ITFG1: variants seen among roughly 807,000 people sequenced by gnomAD.
The protein encoded by ITFG1 is T-cell immunomodulatory protein.
Under a neutral mutation model 81.8 loss-of-function variants are expected in ITFG1, and 34 were observed. The observed-to-expected ratio is 0.42, with a 90% CI of 0.32 to 0.55. ITFG1 has a LOEUF of 0.55. Among genes scored for constraint, ITFG1 ranks in the 20% least tolerant of loss-of-function variants. ITFG1 has a pLI of 0.17. For missense variants in ITFG1, 672 were observed against 755.4 expected (o/e 0.89, Z 1.29); for synonymous variants, 285 against 270.6 (o/e 1.05, Z -0.52).
chr16:47,184,303 A>T (rs771318571), intron 14 of ITFG1, among the ~76,000 whole-genome samples: 1 of 152,216 alleles, frequency 6.6e-6, no homozygotes, highest in Admixed American at 6.5e-5. Context: ...CCTCGAGAAG[A>T]GCAACTCCAG....
intron 8 of ITFG1, among the ~76,000 whole-genome samples, chr16:47,321,191 G>A (rs916432080): frequency 1.3e-5 from 2 of 152,168 alleles, no homozygotes; most frequent in Admixed American, 6.5e-5. Context: ...CTAATTAATG[G>A]TAGAAGGTTT....
intron 14 of ITFG1, among the ~76,000 whole-genome samples, chr16:47,214,609 TAATA>T (rs977503027): frequency 1.3e-5 from 2 of 152,200 alleles, no homozygotes; most frequent in African/African-American, 2.4e-5. Flanking sequence ...AAAAAGTTCA[TAATA>T]AATGTACTTT....
At chr16:47,162,443 ATTCAAATTCAATTAGG>A in intron 15 of ITFG1, 81 bp downstream of exon 15, 2 of 1,085,426 alleles carry the variant, frequency 1.8e-6, no homozygotes, top group South Asian at 3.9e-5. Context: ...GTTTATTTGA[ATTCAAATTCAATTAGG>A]TTCAAATTAT....
At position 47,155,590 on chromosome 16, in the gene ITFG1, C is replaced by T; in HGVS notation, c.*129G>A. The T allele has an allele frequency of 3.1e-6, 2 of 652,830 alleles. No individual in the cohort carries two copies. Among genetic ancestry groups the T allele is most frequent in the East Asian group, 2.8e-5 (1 of 36,140 alleles). 40.4% of individuals were successfully genotyped at this position (652,830 alleles called of 1,614,324 possible). ...TATTCAAACCATATTTATTTGAATA[C>T]TTTCCAATAATTACCATGGGATACA... On this transcript the variant is annotated 3_prime_UTR_variant, in exon 18 of 18. Coordinates refer to ENST00000320640, the MANE Select transcript of ITFG1 (RefSeq NM_030790.5).
At chr16:47,441,469 A>G (rs1209341354) in intron 5 of ITFG1, among the ~76,000 whole-genome samples, 1 of 152,186 alleles carries the variant, frequency 6.6e-6, no homozygotes, top group Non-Finnish European at 1.5e-5. Flanking sequence ...CACATCAAAA[A>G]GCTTATCCAC....
At chr16:47,432,763 A>G (rs1969110674) in intron 5 of ITFG1, among the ~76,000 whole-genome samples, 1 of 152,224 alleles carries the variant, frequency 6.6e-6, no homozygotes, top group Admixed American at 6.5e-5. Flanking sequence ...TCTTTAAAAT[A>G]GTTTCACTTA....
At chr16:47,320,402 C>G (rs1967430821) in intron 8 of ITFG1, among the ~76,000 whole-genome samples, 1 of 152,158 alleles carries the variant, frequency 6.6e-6, no homozygotes, top group Admixed American at 6.6e-5. Flanking sequence ...CCCACCCACA[C>G]CCTGTTTTGT....
chr16:47,443,066 C>A (rs1228972721), intron 5 of ITFG1, among the ~76,000 whole-genome samples: 2 of 151,822 alleles, frequency 1.3e-5, no homozygotes, highest in South Asian at 4.2e-4. Context: ...AAAAAAACAA[C>A]CCCATCAAAA....
chr16:47,211,676 G>A (rs1470625973), intron 14 of ITFG1, among the ~76,000 whole-genome samples: 2 of 152,106 alleles, frequency 1.3e-5, no homozygotes, highest in Non-Finnish European at 2.9e-5. Context: ...TCAAATTCAG[G>A]AAGTTATTCT....
chr16:47,400,723 G>T (rs920682663), intron 6 of ITFG1, among the ~76,000 whole-genome samples: 1 of 151,998 alleles, frequency 6.6e-6, no homozygotes, highest in Non-Finnish European at 1.5e-5. Context: ...AAGCAAAGAG[G>T]TAGGGGAAGC....
intron 8 of ITFG1, among the ~76,000 whole-genome samples, chr16:47,344,802 G>T (rs889708192): frequency 6.6e-6 from 1 of 152,176 alleles, no homozygotes; most frequent in East Asian, 1.9e-4. Flanking sequence ...GATCCCACAT[G>T]TAAGTGAGAA....
intron 10 of ITFG1, among the ~76,000 whole-genome samples, chr16:47,297,376 C>T (rs1966998984): frequency 6.6e-6 from 1 of 152,050 alleles, no homozygotes. Flanking sequence ...AAACCCATTC[C>T]ATCAATTTAT....
intron 6 of ITFG1, among the ~76,000 whole-genome samples, chr16:47,403,608 G>A (rs1864054056): frequency 6.6e-6 from 1 of 152,144 alleles, no homozygotes; most frequent in Non-Finnish European, 1.5e-5. Flanking sequence ...ACCATTAATT[G>A]TCTTAGATGT....
chr16:47,269,292 AGT>A (rs1966310788), intron 10 of ITFG1, among the ~76,000 whole-genome samples: 1 of 152,184 alleles, frequency 6.6e-6, no homozygotes, highest in South Asian at 2.1e-4. Context: ...TACTAGAACC[AGT>A]AAGTTTGGCT....
intron 14 of ITFG1, among the ~76,000 whole-genome samples, chr16:47,195,881 C>G (rs773988202): frequency 6.6e-6 from 1 of 152,128 alleles, no homozygotes; most frequent in Non-Finnish European, 1.5e-5. Context: ...CCTGCACCCC[C>G]CAACAGGCCC....
intron 6 of ITFG1, among the ~76,000 whole-genome samples, chr16:47,378,737 T>A (rs1968358644): frequency 6.6e-6 from 1 of 152,062 alleles, no homozygotes; most frequent in Non-Finnish European, 1.5e-5. Context: ...AATAAATGAT[T>A]CATTACACAG....
At chr16:47,346,749 A>G (rs923634484) in intron 8 of ITFG1, among the ~76,000 whole-genome samples, 4 of 152,226 alleles carry the variant, frequency 2.6e-5, no homozygotes, top group Admixed American at 2.0e-4. Context: ...GCCAATGAGC[A>G]ATGAGATTGA....
chr16:47,444,094 C>G (rs1969291434), intron 5 of ITFG1, among the ~76,000 whole-genome samples: 1 of 151,924 alleles, frequency 6.6e-6, no homozygotes, highest in Non-Finnish European at 1.5e-5. Context: ...ATTTTCAATT[C>G]AAATAAATGT....
intron 8 of ITFG1, among the ~76,000 whole-genome samples, chr16:47,325,779 A>C (rs906237646): frequency 5.3e-5 from 8 of 152,228 alleles, no homozygotes; most frequent in Admixed American, 1.3e-4. Flanking sequence ...ACCAGGAAGA[A>C]GTTGATTCTC....
Sources: gnomAD v4.1 joint callset for allele counts (sites outside exome capture counted in the v4.1 genomes callset) on GRCh38, gnomAD v4.1.1 for gene constraint, MANE v1.5 for transcripts, NCBI Gene and HGNC (gene_info 2026-07-23, HGNC 2026-07-21) for gene names.